The following ZNF704 variants were observed in gnomAD, a reference collection of about 807,000 sequenced individuals.
ZNF704 encodes the protein glucocorticoid induced gene 1.
Under a neutral mutation model 44.7 loss-of-function variants are expected in ZNF704, and 10 were observed. The ratio of observed to expected loss-of-function variants is 0.22; its 90% CI spans 0.14 to 0.38. The LOEUF is 0.38. Ranked by LOEUF, ZNF704 falls within the 10% of genes least tolerant of loss-of-function variation. The pLI, the probability that ZNF704 is intolerant of heterozygous loss-of-function variation, is 1.00. For synonymous variants in ZNF704, 211 were observed against 207.6 expected (o/e 1.02, Z -0.14); for missense variants, 390 against 545.5 (o/e 0.71, Z 2.84).
At chr8:80,655,647 C>T (rs1818002634) in intron 7 of ZNF704, among the ~76,000 whole-genome samples, 1 of 152,156 alleles carries the variant, frequency 6.6e-6, no homozygotes, top group Non-Finnish European at 1.5e-5. Flanking sequence ...ATGGCGTTCA[C>T]AAATGCCAGA....
intron 1 of ZNF704, among the ~76,000 whole-genome samples, chr8:80,829,474 A>T (rs1379571647): frequency 6.6e-6 from 1 of 152,202 alleles, no homozygotes; most frequent in Non-Finnish European, 1.5e-5. Flanking sequence ...TTAAGTCTTC[A>T]CAGTATTAAG....
chr8:80,693,128 C>T, intron 2 of ZNF704, 21 bp from the exon 3 acceptor site: 1 of 1,601,102 alleles, frequency 6.2e-7, no homozygotes, highest in South Asian at 1.1e-5. Flanking sequence ...GGAAGGGACA[C>T]TGGTGACTGT....
At chr8:80,668,890 G>A (rs1413971763) in intron 5 of ZNF704, among the ~76,000 whole-genome samples, 1 of 152,172 alleles carries the variant, frequency 6.6e-6, no homozygotes, top group Non-Finnish European at 1.5e-5. Context: ...CAGGCCCCGG[G>A]CTTCATAAGC....
chr8:80,664,309 T>C (rs1475562564), intron 6 of ZNF704, among the ~76,000 whole-genome samples: 2 of 150,990 alleles, frequency 1.3e-5, no homozygotes, highest in East Asian at 3.9e-4. Context: ...GTTTTTCTTG[T>C]TGCCCAGGCT....
intron 7 of ZNF704, among the ~76,000 whole-genome samples, chr8:80,644,602 C>T (rs1817798045): frequency 1.3e-5 from 2 of 152,084 alleles, no homozygotes; most frequent in Admixed American, 1.3e-4. Flanking sequence ...ACAAAAACAG[C>T]AAGTTTACAT....
chr8:80,884,236 AAAG>A, the ZNF704 span, among the ~76,000 whole-genome samples: 1 of 152,368 alleles, frequency 6.6e-6, no homozygotes, highest in Admixed American at 6.5e-5. Flanking sequence ...AATGTGCAAG[AAAG>A]AAGGAGGGCT....
intron 2 of ZNF704, among the ~76,000 whole-genome samples, chr8:80,800,632 G>A (rs1195564006): frequency 6.6e-6 from 1 of 152,098 alleles, no homozygotes; most frequent in African/African-American, 2.4e-5. Flanking sequence ...ATCACCACCA[G>A]GCCTGCCTTG....
intron 2 of ZNF704, among the ~76,000 whole-genome samples, chr8:80,720,854 C>T (rs1819154456): frequency 6.6e-6 from 1 of 152,214 alleles, no homozygotes; most frequent in African/African-American, 2.4e-5. Flanking sequence ...GTCATGCAGC[C>T]AGTCACCCAG....
In ZNF704 at chr8:80,717,841, G is replaced by A. The variant is rs141702940; in HGVS notation, c.222-24734C>T. Among the ~76,000 whole-genome samples the A allele has an allele frequency of 3.1e-3, 476 of 152,230 alleles. 5 individuals are homozygous for A. Among genetic ancestry groups the A allele is most frequent in the Admixed American group, 0.026 (393 of 15,276 alleles). On this transcript the variant is annotated intron_variant, in intron 2 of 8. Transcript: ENST00000327835. ...GATGACTCTATATTACTTACTGAAT[G>A]AAAGCTAAACCTCTTAGCATGCCAT...
intron 2 of ZNF704, among the ~76,000 whole-genome samples, chr8:80,781,337 T>C (rs1455959147): frequency 3.9e-5 from 6 of 152,240 alleles, no homozygotes; most frequent in Non-Finnish European, 8.8e-5. Flanking sequence ...AGCTACTCAA[T>C]TCTGCTACTA....
intron 2 of ZNF704, among the ~76,000 whole-genome samples, chr8:80,702,841 C>T (rs963197618): frequency 1.3e-5 from 2 of 151,928 alleles, no homozygotes; most frequent in African/African-American, 4.8e-5. Flanking sequence ...TCGGAAATGG[C>T]GAGGCTGATG....
chr8:80,799,496 C>T, intron 2 of ZNF704, among the ~76,000 whole-genome samples: 1 of 152,064 alleles, frequency 6.6e-6, no homozygotes, highest in East Asian at 1.9e-4. Flanking sequence ...CTGGTGGTAC[C>T]TCCAGGTACA....
intron 2 of ZNF704, among the ~76,000 whole-genome samples, chr8:80,796,565 T>C (rs1807804286): frequency 6.6e-6 from 1 of 152,142 alleles, no homozygotes; most frequent in South Asian, 2.1e-4. Flanking sequence ...ATGTATTCAT[T>C]CCCTCCCCAT....
At chr8:80,883,885 G>A in the ZNF704 span, among the ~76,000 whole-genome samples, 1 of 151,940 alleles carries the variant, frequency 6.6e-6, no homozygotes, top group African/African-American at 2.4e-5. Flanking sequence ...TGCCTCCAGT[G>A]CTATTTTTAT....
At chr8:80,646,448 C>T (rs1388427163) in intron 7 of ZNF704, among the ~76,000 whole-genome samples, 3 of 150,612 alleles carry the variant, frequency 2.0e-5, no homozygotes, top group Non-Finnish European at 2.9e-5. Flanking sequence ...TGCACTCTAG[C>T]CTGGGCAACA....
chr8:80,794,951 T>C (rs1167690809), intron 2 of ZNF704, among the ~76,000 whole-genome samples: 1 of 152,210 alleles, frequency 6.6e-6, no homozygotes, highest in East Asian at 1.9e-4. Flanking sequence ...GGCCACAGTA[T>C]AAATGTATGG....
At chr8:80,724,652 C>T (rs561669400) in intron 2 of ZNF704, among the ~76,000 whole-genome samples, 19 of 152,176 alleles carry the variant, frequency 1.2e-4, no homozygotes, top group East Asian at 1.9e-4. Context: ...TGTCAGGCTT[C>T]GTTCCCCTTC....
At chr8:80,863,478 G>C (rs1457250062) in intron 1 of ZNF704, among the ~76,000 whole-genome samples, 1 of 152,058 alleles carries the variant, frequency 6.6e-6, no homozygotes, top group African/African-American at 2.4e-5. Flanking sequence ...AATGTTTTCT[G>C]AAATGTTTGA....
At chr8:80,798,382 A>C (rs1398592244) in intron 2 of ZNF704, among the ~76,000 whole-genome samples, 1 of 152,044 alleles carries the variant, frequency 6.6e-6, no homozygotes, top group Non-Finnish European at 1.5e-5. Flanking sequence ...CAGCCTCCCA[A>C]GTAGCTAGGA....
Sources: allele counts gnomAD v4.1 joint callset (sites outside exome capture counted in the v4.1 genomes callset), GRCh38; gene constraint gnomAD v4.1.1; transcripts MANE v1.5; gene names NCBI Gene and HGNC (gene_info 2026-07-23, HGNC 2026-07-21).